The following KCNN2 variants were observed in gnomAD, a reference collection of about 807,000 sequenced individuals.
KCNN2 encodes the protein potassium calcium-activated channel subfamily N member 2.
In KCNN2, 24 loss-of-function variants were observed where a neutral mutation model predicts 55.5. The ratio of observed to expected loss-of-function variants is 0.43; its 90% CI spans 0.31 to 0.61. The LOEUF is 0.61. Ranked by LOEUF, KCNN2 falls within the 20% of genes least tolerant of loss-of-function variation. KCNN2 has a pLI of 0.08. For missense variants in KCNN2, 754 were observed against 853.6 expected (o/e 0.88, Z 1.45); for synonymous variants, 431 against 336.1 (o/e 1.28, Z -3.09).
At chr5:114,390,380 T>C (rs1048558840) in intron 2 of KCNN2, among the ~76,000 whole-genome samples, 2 of 152,310 alleles carry the variant, frequency 1.3e-5, no homozygotes, top group South Asian at 2.1e-4. Context: ...TCTCATTTCA[T>C]CTAACCTTTA....
chr5:114,292,033 G>C (rs1054492687), intron 2 of KCNN2, among the ~76,000 whole-genome samples: 3 of 148,940 alleles, frequency 2.0e-5, no homozygotes, highest in Non-Finnish European at 4.4e-5. Flanking sequence ...CTTTTTGATG[G>C]GGTTGTTTGT....
At chr5:114,216,159 C>T (rs1323080959) in intron 1 of KCNN2, among the ~76,000 whole-genome samples, 1 of 152,006 alleles carries the variant, frequency 6.6e-6, no homozygotes, top group Non-Finnish European at 1.5e-5. Flanking sequence ...TCTCATCAGT[C>T]CAACATTACT....
intron 1 of KCNN2, among the ~76,000 whole-genome samples, chr5:114,099,390 A>G (rs536407191): frequency 4.1e-4 from 62 of 152,300 alleles, no homozygotes; most frequent in African/African-American, 1.5e-3. Flanking sequence ...AAGAAAACAA[A>G]AACTTGGAGG....
upstream of KCNN2, among the ~76,000 whole-genome samples, chr5:114,357,762 G>A (rs1460150201): frequency 8.2e-5 from 12 of 146,708 alleles, no homozygotes; most frequent in African/African-American, 2.0e-4. Flanking sequence ...ATAAACATAC[G>A]TGTGCATGTG....
At chr5:114,139,764 A>G (rs1288709036) in intron 1 of KCNN2, among the ~76,000 whole-genome samples, 2 of 151,812 alleles carry the variant, frequency 1.3e-5, no homozygotes, top group Non-Finnish European at 2.9e-5. Flanking sequence ...TCAACCAGAC[A>G]TTTTTTAGTT....
intron 3 of KCNN2, among the ~76,000 whole-genome samples, chr5:114,461,436 T>A (rs1761187433): frequency 6.6e-6 from 1 of 152,142 alleles, no homozygotes; most frequent in Non-Finnish European, 1.5e-5. Flanking sequence ...GGCTGCCTGT[T>A]CACATGCCCT....
intron 1 of KCNN2, among the ~76,000 whole-genome samples, chr5:114,158,453 T>C (rs1451943770): frequency 1.3e-5 from 2 of 152,096 alleles, no homozygotes; most frequent in African/African-American, 2.4e-5. Flanking sequence ...TCCAGGTTTG[T>C]TCTTTTGGCT....
intron 2 of KCNN2, among the ~76,000 whole-genome samples, chr5:114,384,924 G>C (rs1253585816): frequency 6.6e-6 from 1 of 152,062 alleles, no homozygotes; most frequent in Non-Finnish European, 1.5e-5. Flanking sequence ...AAGTAAAAAA[G>C]TTATTCAGTT....
intron 1 of KCNN2, among the ~76,000 whole-genome samples, chr5:114,213,092 T>C (rs535314365): frequency 2.0e-5 from 3 of 152,102 alleles, no homozygotes; most frequent in Non-Finnish European, 4.4e-5. Context: ...AATGGAAAAT[T>C]GATCAAAGTT....
At chr5:114,195,578 A>G (rs1202070550) in intron 1 of KCNN2, among the ~76,000 whole-genome samples, 1 of 151,778 alleles carries the variant, frequency 6.6e-6, no homozygotes, top group Non-Finnish European at 1.5e-5. Context: ...ATAGTCTTTT[A>G]TTTATATTAC....
chr5:114,395,778 A>T (rs1758596351), intron 2 of KCNN2, among the ~76,000 whole-genome samples: 1 of 152,118 alleles, frequency 6.6e-6, no homozygotes. Flanking sequence ...CTCCTAGGAC[A>T]GTTCTTTCCT....
At chr5:114,182,060 G>C (rs1426685393) in intron 1 of KCNN2, among the ~76,000 whole-genome samples, 1 of 152,000 alleles carries the variant, frequency 6.6e-6, no homozygotes, top group Non-Finnish European at 1.5e-5. Flanking sequence ...GGTTAGATTT[G>C]ATATTTTTAA....
intron 5 of KCNN2, among the ~76,000 whole-genome samples, chr5:114,478,323 TTTGAACAAAGC>T (rs1762063947): frequency 6.6e-6 from 1 of 151,540 alleles, no homozygotes; most frequent in Non-Finnish European, 1.5e-5. Flanking sequence ...ATGCTATAGG[TTTGAACAAAGC>T]AAAGTTTTAA....
chr5:114,164,014 T>C lies in KCNN2; in HGVS notation c.-270-57466T>C, dbSNP rs139196572. Among the ~76,000 whole-genome samples the C allele has an allele frequency of 5.4e-3, 820 of 152,312 alleles. 5 individuals are homozygous for C. Among genetic ancestry groups the C allele is most frequent in the African/African-American group, 0.019 (777 of 41,550 alleles). On this transcript the variant is annotated intron_variant, in intron 1 of 10. Coordinates refer to the KCNN2 transcript ENST00000512097. ...TCATTATTTAATGGGGGTGGGTGTC[T>C]TCTTTTGAAACTCATGGAATGAACC...
chr5:114,146,156 T>C (rs1752394378), intron 1 of KCNN2, among the ~76,000 whole-genome samples: 1 of 152,136 alleles, frequency 6.6e-6, no homozygotes, highest in Non-Finnish European at 1.5e-5. Flanking sequence ...CCTTACTTGG[T>C]TTATTGTCAG....
chr5:114,433,178 C>T (rs1295032284), intron 3 of KCNN2, among the ~76,000 whole-genome samples: 1 of 152,178 alleles, frequency 6.6e-6, no homozygotes, highest in Non-Finnish European at 1.5e-5. Flanking sequence ...ACCTTTATGT[C>T]TAGCCCAGGG....
intron 1 of KCNN2, among the ~76,000 whole-genome samples, chr5:114,140,798 T>TATC (rs1424695015): frequency 6.8e-6 from 1 of 148,052 alleles, no homozygotes; most frequent in Non-Finnish European, 1.5e-5. Context: ...TTATTATTAT[T>TATC]ATTATTTTGA....
chr5:114,322,872 T>G (rs551833641), intron 2 of KCNN2, among the ~76,000 whole-genome samples: 4 of 152,336 alleles, frequency 2.6e-5, no homozygotes, highest in African/African-American at 9.6e-5. Flanking sequence ...TAAACTCATG[T>G]CACAGAAGGT....
At chr5:114,232,925 G>GT (rs10658266) in intron 2 of KCNN2, among the ~76,000 whole-genome samples, 12,858 of 76,306 alleles carry the variant, frequency 0.17, 2,711 homozygotes, top group Middle Eastern at 0.4. Flanking sequence ...ATTGTTTCTT[G>GT]TTTTTTTTTT....
Sources: allele counts gnomAD v4.1 joint callset (sites outside exome capture counted in the v4.1 genomes callset), GRCh38; gene constraint gnomAD v4.1.1; transcripts MANE v1.5; gene names NCBI Gene and HGNC (gene_info 2026-07-23, HGNC 2026-07-21).